The following MRPS9 variants were observed in gnomAD, a reference collection of about 807,000 sequenced individuals.
MRPS9 encodes the protein small ribosomal subunit protein uS9m.
MRPS9 carries 45 observed loss-of-function variants against 59.9 expected under a neutral mutation model. That is an observed-to-expected ratio of 0.75 (90% CI 0.59 to 0.96). MRPS9 has a LOEUF of 0.96. MRPS9 is among the 40% of genes least tolerant of loss of function. The pLI is 0.00. For missense variants in MRPS9, 473 were observed against 481.1 expected (o/e 0.98, Z 0.16); for synonymous variants, 171 against 166.8 (o/e 1.03, Z -0.19).
chr2:105,090,482 G>A (rs537834389), intron 7 of MRPS9, among the ~76,000 whole-genome samples: 9 of 145,262 alleles, frequency 6.2e-5, no homozygotes, highest in Admixed American at 2.1e-4. Flanking sequence ...CACCTCTGTC[G>A]GAATCCCTTG....
At chr2:105,092,923 T>C (rs1558763723) in intron 8 of MRPS9, among the ~76,000 whole-genome samples, 2 of 152,346 alleles carry the variant, frequency 1.3e-5, no homozygotes, top group East Asian at 1.9e-4. Flanking sequence ...TGAATCTGCA[T>C]ATCAAATGCC....
At chr2:105,072,748 A>G (rs2104455392) in intron 4 of MRPS9, among the ~76,000 whole-genome samples, 1 of 152,246 alleles carries the variant, frequency 6.6e-6, no homozygotes, top group South Asian at 2.1e-4. Flanking sequence ...TTGCAGTGGT[A>G]TTTCTGCTAA....
chr2:105,044,196 G>T (rs1001887586), intron 1 of MRPS9, among the ~76,000 whole-genome samples: 18 of 152,256 alleles, frequency 1.2e-4, no homozygotes, highest in African/African-American at 4.3e-4. Flanking sequence ...GCCTCCCAAA[G>T]TGCTGGGATT....
intron 2 of MRPS9, among the ~76,000 whole-genome samples, chr2:105,060,128 C>T (rs1046178386): frequency 6.6e-6 from 1 of 151,526 alleles, no homozygotes; most frequent in Non-Finnish European, 1.5e-5. Context: ...CACATCTTTG[C>T]CCTAATCTAA....
chr2:105,061,304 C>T (rs932250593), intron 2 of MRPS9, among the ~76,000 whole-genome samples: 3 of 151,264 alleles, frequency 2.0e-5, no homozygotes, highest in South Asian at 2.1e-4. Flanking sequence ...TCTGCATAAT[C>T]GTGGTCAAAG....
At chr2:105,058,531 G>T (rs538351398) in intron 2 of MRPS9, among the ~76,000 whole-genome samples, 1 of 152,214 alleles carries the variant, frequency 6.6e-6, no homozygotes, top group Non-Finnish European at 1.5e-5. Flanking sequence ...GAAGAAACAT[G>T]TTTACTAATG....
chr2:105,040,477 G>A (rs1036748261), intron 1 of MRPS9, among the ~76,000 whole-genome samples: 6 of 152,156 alleles, frequency 3.9e-5, no homozygotes, highest in African/African-American at 1.4e-4. Context: ...ACTAGGTGGT[G>A]ATATAAACAG....
rs1348410949 is a variant in MRPS9, at chr2:105,099,673, G to T, written c.1103G>T (p.Gly368Val). 2 of 1,613,370 alleles carry T rather than the reference G, an allele frequency of 1.2e-6. No individual in the cohort carries two copies. The highest frequency in any genetic ancestry group is 1.7e-6 in the Non-Finnish European group (2 of 1,179,638). ...GGCTTCTCTTTTTATGCTGCAGCTG[G>T]ACTACTTACTACTGATCCACGTGTG... The part of the protein sequence containing the change: ...EDEVEWMRQA[G>V]LLTTDPRVRE... The change falls in exon 11 of 11, where the codon GGA (glycine) becomes GTA (valine). Residue 368 changes from glycine (G) to valine (V), a missense_variant. Physicochemically the swap from Gly to Val is moderately radical, Grantham distance 109. Transcript: ENST00000258455.
chr2:105,067,391 T>C, intron 2 of MRPS9, among the ~76,000 whole-genome samples: 1 of 152,296 alleles, frequency 6.6e-6, no homozygotes, highest in East Asian at 1.9e-4. Flanking sequence ...TGTATACTTC[T>C]CGTTACATCC....
chr2:105,072,111 G>T (rs555206182), intron 4 of MRPS9, among the ~76,000 whole-genome samples: 2 of 152,262 alleles, frequency 1.3e-5, no homozygotes, highest in Non-Finnish European at 2.9e-5. Context: ...AGGACCAGTA[G>T]TTCTCTGTTA....
intron 1 of MRPS9, among the ~76,000 whole-genome samples, chr2:105,045,750 A>G (rs887349969): frequency 6.6e-6 from 1 of 152,128 alleles, no homozygotes; most frequent in East Asian, 1.9e-4. Context: ...ATAGGGAAAT[A>G]AAATTGACAA....
intron 10 of MRPS9, 187 bp downstream of exon 10, chr2:105,097,511 C>T (rs966072861): frequency 3.8e-5 from 19 of 502,760 alleles, no homozygotes; most frequent in African/African-American, 2.8e-4. Flanking sequence ...ACAAGGTGAG[C>T]TTGAATTAGA....
At chr2:105,039,888 C>T (rs757914540) in intron 1 of MRPS9, among the ~76,000 whole-genome samples, 6 of 152,134 alleles carry the variant, frequency 3.9e-5, no homozygotes, top group African/African-American at 1.4e-4. Context: ...CTTGAAACAA[C>T]CTCTTTCCCC....
intron 4 of MRPS9, among the ~76,000 whole-genome samples, chr2:105,073,575 C>G (rs2104455871): frequency 6.6e-6 from 1 of 152,244 alleles, no homozygotes; most frequent in Non-Finnish European, 1.5e-5. Context: ...AGTGTACTAA[C>G]ACTTTCCTTA....
chr2:105,063,034 A>G (rs73945026), intron 2 of MRPS9, among the ~76,000 whole-genome samples: 33,599 of 152,258 alleles, frequency 0.22, 3,780 homozygotes, highest in Middle Eastern at 0.35. Context: ...AATTGGCTTC[A>G]AAAACAGTTC....
Position 105,060,570 on chromosome 2 carries a change from T to C in MRPS9, c.316-10743T>C, listed in dbSNP as rs370327761. 2.2e-4 allele frequency among the ~76,000 whole-genome samples: 34 copies of C among 152,214 alleles called. No homozygotes were observed. The East Asian group carries it at 6.6e-3, about 30-fold the overall frequency. ...TGCTGGGATTATAGGCATGAGCCAC[T>C]GCACCTGGCCGCTATTGTGTGTTTT... is the stretch of plus-strand genomic sequence containing the variant. On this transcript the variant is annotated intron_variant, in intron 2 of 10. Transcript: ENST00000258455.
chr2:105,064,879 G>T (rs1037511535), intron 2 of MRPS9, among the ~76,000 whole-genome samples: 21 of 152,206 alleles, frequency 1.4e-4, no homozygotes, highest in Admixed American at 1.4e-3. Context: ...CTGGTAAAAA[G>T]AGAAAGATGC....
intron 2 of MRPS9, among the ~76,000 whole-genome samples, chr2:105,057,619 G>A (rs913741059): frequency 2.0e-5 from 3 of 152,178 alleles, no homozygotes; most frequent in Admixed American, 6.5e-5. Context: ...GAACTTTATA[G>A]ACCTTGTAAC....
At chr2:105,042,869 T>C (rs1679525655) in intron 1 of MRPS9, among the ~76,000 whole-genome samples, 1 of 152,148 alleles carries the variant, frequency 6.6e-6, no homozygotes, top group Non-Finnish European at 1.5e-5. Context: ...ACCAAGCATA[T>C]AAAAATAGAA....
Sources: allele counts gnomAD v4.1 joint callset (sites outside exome capture counted in the v4.1 genomes callset), GRCh38; gene constraint gnomAD v4.1.1; transcripts MANE v1.5; gene names NCBI Gene and HGNC (gene_info 2026-07-23, HGNC 2026-07-21).